SVOP: variants seen among roughly 807,000 people sequenced by gnomAD.
SVOP encodes the protein synaptic vesicle 2-related protein.
In SVOP, 17 loss-of-function variants were observed where a neutral mutation model predicts 69.1. That is an observed-to-expected ratio of 0.25 (90% CI 0.17 to 0.37). The LOEUF (loss-of-function observed/expected upper bound fraction) is 0.37. Among genes scored for constraint, SVOP ranks in the 10% least tolerant of loss-of-function variants. SVOP has a pLI of 1.00. For missense variants in SVOP, 435 were observed against 597.5 expected, an observed-to-expected ratio of 0.73 and a Z score of 2.84; for synonymous variants, 238 against 238.6, an observed-to-expected ratio of 1.00 and a Z score of 0.02.
intron 2 of SVOP, among the ~76,000 whole-genome samples, chr12:108,980,289 G>A (rs1234136054): frequency 1.3e-5 from 2 of 152,180 alleles, no homozygotes; most frequent in Non-Finnish European, 2.9e-5. Context: ...GGTGAAATCC[G>A]AATAAAGTCT....
intron 5 of SVOP, among the ~76,000 whole-genome samples, chr12:108,966,185 C>T (rs1022838279): frequency 1.2e-4 from 18 of 152,064 alleles, no homozygotes; most frequent in African/African-American, 3.6e-4. Context: ...TATTTAATCC[C>T]CCCATTAAAG....
At chr12:108,986,679 T>C (rs2040167537) in intron 1 of SVOP, among the ~76,000 whole-genome samples, 2 of 152,120 alleles carry the variant, frequency 1.3e-5, no homozygotes, top group South Asian at 4.1e-4. Context: ...AGGCACATAA[T>C]AAGTTGCTCA....
chr12:108,977,626 C>T, intron 3 of SVOP, 130 bp from the exon 4 acceptor site: 4 of 576,212 alleles, frequency 6.9e-6, no homozygotes, highest in Non-Finnish European at 1.3e-5. Flanking sequence ...TGCCCTGCTG[C>T]ACATCAAACC....
intron 11 of SVOP, among the ~76,000 whole-genome samples, chr12:108,926,946 A>G (rs2039783952): frequency 6.6e-6 from 1 of 152,244 alleles, no homozygotes; most frequent in African/African-American, 2.4e-5. Flanking sequence ...CAGCCTTGGA[A>G]GAAAGAGAAT....
intron 9 of SVOP, among the ~76,000 whole-genome samples, chr12:108,938,533 A>T (rs909091098): frequency 5.3e-5 from 8 of 152,224 alleles, no homozygotes; most frequent in African/African-American, 1.9e-4. Context: ...GGCGAAACCA[A>T]AGCAGGAGCA....
At chr12:108,998,068 A>G (rs1305186643) in intron 1 of SVOP, among the ~76,000 whole-genome samples, 2 of 151,782 alleles carry the variant, frequency 1.3e-5, no homozygotes, top group African/African-American at 4.9e-5. Flanking sequence ...TTTGAAAAAA[A>G]TTTAGAAGAA....
At chr12:108,935,279 G>A (rs995674622) in intron 10 of SVOP, among the ~76,000 whole-genome samples, 3 of 152,190 alleles carry the variant, frequency 2.0e-5, no homozygotes, top group Non-Finnish European at 2.9e-5. Flanking sequence ...TTGCAAGACC[G>A]GAACCTTCTC....
At chr12:108,934,835 C>A (rs955047256) in intron 10 of SVOP, among the ~76,000 whole-genome samples, 2 of 152,198 alleles carry the variant, frequency 1.3e-5, no homozygotes, top group Non-Finnish European at 2.9e-5. Context: ...ATGAATAATC[C>A]ACCTCTTGTT....
chr12:108,957,793 G>A lies in SVOP; in HGVS notation c.578+3130C>T, dbSNP rs959358402. On this transcript the variant is annotated intron_variant, in intron 6 of 15. Coordinates refer to ENST00000610966, the MANE Select transcript of SVOP (RefSeq NM_018711.5). ...ACCCAGGTAAACCGTCTAGATCAGC[G>A]AGAGTGCTCGCTGAAGCTGAGAGGA... is the stretch of plus-strand genomic sequence containing the variant. Among the ~76,000 whole-genome samples the A allele has an allele frequency of 3.9e-5, 6 of 152,232 alleles. No individual in the cohort carries two copies. The East Asian group carries it at 9.6e-4, about 24-fold the overall frequency.
In SVOP at chr12:108,961,192, G is replaced by A. The variant is rs2040016129; in HGVS notation, c.454-145C>T. 3.0e-6 allele frequency: 3 copies of A among 1,006,346 alleles called. No homozygotes were observed. In the South Asian group the frequency reaches 7.1e-5, roughly 24 times the overall value. The allele number at this position is 1,006,346 out of a possible 1,614,324, so 62.3% of individuals were successfully genotyped here. On this transcript the variant is annotated intron_variant, in intron 5 of 15. Coordinates refer to ENST00000610966, the MANE Select transcript of SVOP (RefSeq NM_018711.5). ...GGTACTGGGTTCCTCTGTATGGGGA[G>A]TGCCAACCCACAGGGGTTGGGTGAG...
chr12:108,996,727 T>C (rs10744795), intron 1 of SVOP, among the ~76,000 whole-genome samples: 25,755 of 152,074 alleles, frequency 0.17, 2,415 homozygotes, highest in Non-Finnish European at 0.19. Context: ...GCCCAGGAGC[T>C]ATAGACCAGC....
Position 108,912,730 on chromosome 12 carries a change from T to G in SVOP, c.1452A>C (p.Glu484Asp), listed in dbSNP as rs756244494. The G allele has an allele frequency of 6.2e-7, 1 of 1,613,754 alleles. No individual in the cohort carries two copies. Among genetic ancestry groups the G allele is most frequent in the South Asian group, 1.1e-5 (1 of 91,070 alleles). Residue 484 changes from glutamate to aspartate, a missense_variant, in exon 16 of 16, where the codon GAA becomes GAC. Transcript: ENST00000610966. Reference sequence around the variant, plus strand: ...CTGCCAGAGTCAGGTACACAGAGGATTCCAGCATCACCTAGGGGAAGGAGA... The same window carrying G: ...CTGCCAGAGTCAGGTACACAGAGGAGTCCAGCATCACCTAGGGGAAGGAGA... ...ITPFIAQVML[E>D]SSVYLTLAVY...
chr12:108,982,694 A>G (rs2040144487), intron 2 of SVOP, among the ~76,000 whole-genome samples: 1 of 150,630 alleles, frequency 6.6e-6, no homozygotes, highest in Admixed American at 6.6e-5. Context: ...CATCATCATC[A>G]CCATCATCAT....
rs1318586368 is a variant in SVOP at position 108,977,464 on chromosome 12, G to T, written c.315C>A (p.Ser105Arg). Reference sequence around the variant, plus strand: ...CGCAATGCAGCTGTGGTGCCAGGATGCTGAGGATCATCATCTCCATGGCAT... The same window carrying T: ...CGCAATGCAGCTGTGGTGCCAGGATTCTGAGGATCATCATCTCCATGGCAT... ...MADAMEMMIL[S>R]ILAPQLHCEW... Residue 105 changes from serine (S) to arginine (R), a missense_variant, in exon 4 of 16, where the codon AGC becomes AGA. Ser to Arg is a moderately radical substitution (Grantham distance 110, BLOSUM62 -1). Transcript: ENST00000610966. The T allele has an allele frequency of 1.8e-5, 27 of 1,537,020 alleles. No homozygotes were observed. Among genetic ancestry groups the T allele is most frequent in the Non-Finnish European group, 2.3e-5 (26 of 1,146,818 alleles).
intron 6 of SVOP, among the ~76,000 whole-genome samples, chr12:108,954,572 G>A (rs577541579): frequency 3.4e-4 from 51 of 152,214 alleles, no homozygotes; most frequent in Non-Finnish European, 5.9e-4. Context: ...AGAATCTCTC[G>A]TCCTCTTTGT....
chr12:108,955,848 C>T (rs2039982322), intron 6 of SVOP, among the ~76,000 whole-genome samples: 1 of 152,080 alleles, frequency 6.6e-6, no homozygotes, highest in South Asian at 2.1e-4. Flanking sequence ...TTTAAGGGAC[C>T]CCATGAGGTG....
intron 6 of SVOP, among the ~76,000 whole-genome samples, chr12:108,946,916 C>G (rs766781690): frequency 6.5e-4 from 99 of 151,940 alleles, no homozygotes; most frequent in Non-Finnish European, 7.1e-4. Context: ...GACGGGGTTT[C>G]ACCATGTTGC....
chr12:108,985,220 C>T (rs2040160251), intron 1 of SVOP, among the ~76,000 whole-genome samples: 1 of 146,554 alleles, frequency 6.8e-6, no homozygotes, highest in African/African-American at 2.5e-5. Context: ...GAGAGAGACC[C>T]TATCTGAAAA....
At chr12:108,949,976 A>G (rs888557109) in intron 6 of SVOP, among the ~76,000 whole-genome samples, 5 of 152,198 alleles carry the variant, frequency 3.3e-5, no homozygotes, top group African/African-American at 1.2e-4. Flanking sequence ...AGTCTCCCAG[A>G]GGAAACTTCT....
Sources: gnomAD v4.1 joint callset for allele counts (sites outside exome capture counted in the v4.1 genomes callset) on GRCh38, gnomAD v4.1.1 for gene constraint, MANE v1.5 for transcripts, NCBI Gene and HGNC (gene_info 2026-07-23, HGNC 2026-07-21) for gene names.